TMEM209: variants seen among roughly 807,000 people sequenced by gnomAD.
The protein encoded by TMEM209 is testicular tissue protein Li 202.
Under a neutral mutation model 76.2 loss-of-function variants are expected in TMEM209, and 65 were observed. The observed-to-expected ratio is 0.85, with a 90% CI of 0.70 to 1.05. TMEM209 has a LOEUF of 1.05. Ranked by LOEUF, TMEM209 falls within the 50% of genes least tolerant of loss-of-function variation. TMEM209 has a pLI of 0.00. For missense variants in TMEM209, 623 were observed against 685.5 expected (o/e 0.91, Z 1.02); for synonymous variants, 239 against 237.6 (o/e 1.01, Z -0.06).
rs1282319824 is a variant in TMEM209, at chr7:130,203,785, T to C, written c.199+3A>G. The C allele has an allele frequency of 3.1e-6, 5 of 1,598,724 alleles. No homozygotes were observed. The highest frequency in any genetic ancestry group is 1.1e-5 in the South Asian group (1 of 88,650). ...TAAGTTACAGTGAAAATTACTTACTTACCAATATACCAGAGGGGCCAGTAT... is the reference window on the plus strand; with the variant it reads ...TAAGTTACAGTGAAAATTACTTACTCACCAATATACCAGAGGGGCCAGTAT... On this transcript the variant is annotated splice_donor_region_variant and intron_variant, in intron 3 of 14. Coordinates refer to ENST00000397622, the MANE Select transcript of TMEM209 (RefSeq NM_032842.4).
chr7:130,185,379 A>G lies in TMEM209; in HGVS notation c.776-12T>C. ...AGAATCTGGGCTCCCTACAATTGTT[A>G]AGATAAACAGTATCAGTGTGTTGTA... On this transcript the variant is annotated splice_polypyrimidine_tract_variant and intron_variant, in intron 6 of 14. Transcript: ENST00000397622. The G allele has an allele frequency of 6.2e-7, 1 of 1,611,874 alleles. No individual in the cohort carries two copies. Among genetic ancestry groups the G allele is most frequent in the Non-Finnish European group, 8.5e-7 (1 of 1,178,410 alleles).
At chr7:130,168,159 C>A (rs1796939082) in intron 14 of TMEM209, among the ~76,000 whole-genome samples, 1 of 152,056 alleles carries the variant, frequency 6.6e-6, no homozygotes, top group Non-Finnish European at 1.5e-5. Flanking sequence ...CATGACAAAC[C>A]ATTTATGCAT....
Position 130,202,074 on chromosome 7 carries a change from G to C in TMEM209, c.349C>G (p.Pro117Ala). The change falls in exon 5 of 15, where the codon CCA (proline) becomes GCA (alanine). Residue 117 changes from proline (P) to alanine (A), a missense_variant. Transcript: ENST00000397622. ...LKTAVVQTTP[P>A]HDLAATQIPP... is the part of the protein sequence containing the mutation. The stretch of plus-strand genomic sequence containing the variant: ...ATTTGGGTTGCTGCCAGATCATGTG[G>C]AGGCGTAGTCTGTACAACTAGAAGG... The C allele has an allele frequency of 1.2e-6, 2 of 1,613,300 alleles. No individual in the cohort carries two copies. The highest frequency in any genetic ancestry group is 1.7e-6 in the Non-Finnish European group (2 of 1,179,674).
intron 14 of TMEM209, among the ~76,000 whole-genome samples, chr7:130,167,971 T>G (rs1220038328): frequency 6.6e-6 from 1 of 152,222 alleles, no homozygotes; most frequent in Non-Finnish European, 1.5e-5. Context: ...AATGCTTAAT[T>G]TCCCATATAT....
intron 1 of TMEM209, among the ~76,000 whole-genome samples, chr7:130,204,605 G>A (rs1025987696): frequency 1.3e-5 from 2 of 152,244 alleles, no homozygotes; most frequent in African/African-American, 4.8e-5. Context: ...CTCCCAAAGT[G>A]TTGGGATTAC....
Position 130,165,388 on chromosome 7 carries a change from A to T in TMEM209, c.*1063T>A, listed in dbSNP as rs1796849780. 6.6e-6 allele frequency: 1 copy of T among 152,216 alleles called. No homozygotes were observed. Among genetic ancestry groups the T allele is most frequent in the Admixed American group, 6.5e-5 (1 of 15,278 alleles). The allele number at this position is 152,216 out of a possible 1,614,324, so 9.4% of individuals were successfully genotyped here. A position where few individuals can be genotyped will look rare whatever the true frequency, so the allele number is the denominator to read the frequency against. ...CAGATATTTTGAACATATTTAAAAA[A>T]TTTGAAGATAGGATATCACTGTGAT... On this transcript the variant is annotated 3_prime_UTR_variant, in exon 15 of 15. Transcript: ENST00000397622.
intron 14 of TMEM209, among the ~76,000 whole-genome samples, chr7:130,169,728 G>A (rs1009935799): frequency 2.0e-5 from 3 of 151,720 alleles, no homozygotes; most frequent in African/African-American, 7.3e-5. Context: ...TCTGCTCCAA[G>A]CCCATCCCCC....
At chr7:130,178,605 TGTTCATACAGCTG>T in intron 9 of TMEM209, 78 bp from the exon 10 acceptor site, 1 of 1,542,862 alleles carries the variant, frequency 6.5e-7, no homozygotes, top group Non-Finnish European at 8.8e-7. Flanking sequence ...TCTTCTCATG[TGTTCATACAGCTG>T]GTTCCTCACT....
chr7:130,168,722 T>C (rs566054057), intron 14 of TMEM209, among the ~76,000 whole-genome samples: 9 of 152,202 alleles, frequency 5.9e-5, no homozygotes, highest in East Asian at 1.9e-4. Context: ...CCCAGCACGT[T>C]AGAAGGCCAA....
chr7:130,186,950 A>G lies in TMEM209; in HGVS notation c.776-1583T>C, dbSNP rs374279938. Reference sequence around the variant, plus strand: ...TCTAAAAACATTTATTAAATAAAATACATTCTTTAGGCCAGTGCGCGGTGG... The same window carrying G: ...TCTAAAAACATTTATTAAATAAAATGCATTCTTTAGGCCAGTGCGCGGTGG... On this transcript the variant is annotated intron_variant, in intron 6 of 14. Transcript: ENST00000397622. 1.2e-4 allele frequency among the ~76,000 whole-genome samples: 18 copies of G among 152,310 alleles called. No homozygotes were observed. In the East Asian group the frequency reaches 2.7e-3, roughly 23 times the overall value.
intron 5 of TMEM209, among the ~76,000 whole-genome samples, chr7:130,197,346 C>T (rs1039729130): frequency 2.6e-5 from 4 of 152,152 alleles, no homozygotes; most frequent in Admixed American, 2.0e-4. Context: ...ACTCTGAGGA[C>T]ATTACGCTAG....
chr7:130,199,606 C>T (rs2697014), intron 5 of TMEM209, among the ~76,000 whole-genome samples: 151,392 of 152,310 alleles, frequency 0.99, 75,244 homozygotes, highest in Middle Eastern at 1. Context: ...AAAAACTCAA[C>T]TCATTATTTT....
intron 3 of TMEM209, among the ~76,000 whole-genome samples, chr7:130,203,456 GA>G (rs1189904030): frequency 6.6e-6 from 1 of 152,230 alleles, no homozygotes; most frequent in Non-Finnish European, 1.5e-5. Flanking sequence ...CAATGGAGCA[GA>G]AATCTGGGCT....
At position 130,166,491 on chromosome 7, in the gene TMEM209, C is replaced by T; in HGVS notation, c.1646G>A (p.Gly549Asp). 2 of 1,539,102 alleles carry T rather than the reference C, an allele frequency of 1.3e-6. No homozygotes were observed. The highest frequency in any genetic ancestry group is 1.2e-5 in the South Asian group (1 of 81,328). ...ESGMLGRVNL[G>D]LSGVNILWIF... is the part of the protein sequence containing the mutation. ...CCACAATATATTCACACCAGATAGA[C>T]CAAGATTAACTCTCCTATAAAGAGA... The change falls in exon 15 of 15, where the codon GGT becomes GAT. Residue 549 changes from glycine to aspartate, a missense_variant. Transcript: ENST00000397622.
intron 5 of TMEM209, among the ~76,000 whole-genome samples, chr7:130,199,318 C>T (rs1418300425): frequency 6.6e-6 from 1 of 151,962 alleles, no homozygotes; most frequent in Non-Finnish European, 1.5e-5. Context: ...TCCTGGTTCA[C>T]GCCATTCTCC....
At chr7:130,183,556 AAAC>A (rs1797495978) in intron 8 of TMEM209, among the ~76,000 whole-genome samples, 2 of 152,236 alleles carry the variant, frequency 1.3e-5, no homozygotes, top group Non-Finnish European at 2.9e-5. Flanking sequence ...TTGAAGGATG[AAAC>A]AACAGAAGTA....
chr7:130,181,568 T>A, intron 9 of TMEM209, 55 bp downstream of exon 9: 1 of 1,479,162 alleles, frequency 6.8e-7, no homozygotes, highest in East Asian at 2.3e-5. Context: ...CAAGAAGTTT[T>A]CCACTTGGTA....
intron 13 of TMEM209, among the ~76,000 whole-genome samples, chr7:130,171,249 G>A (rs907422839): frequency 3.9e-5 from 6 of 152,096 alleles, no homozygotes; most frequent in Non-Finnish European, 8.8e-5. Context: ...ATATACTTTA[G>A]CATACAAATA....
At chr7:130,199,211 C>A (rs1798100688) in intron 5 of TMEM209, among the ~76,000 whole-genome samples, 1 of 151,702 alleles carries the variant, frequency 6.6e-6, no homozygotes, top group Admixed American at 6.6e-5. Flanking sequence ...CCTTTGTCAC[C>A]TTTTTAATTT....
Sources: allele counts gnomAD v4.1 joint callset (sites outside exome capture counted in the v4.1 genomes callset), GRCh38; gene constraint gnomAD v4.1.1; transcripts MANE v1.5; gene names NCBI Gene and HGNC (gene_info 2026-07-23, HGNC 2026-07-21).